Variants in EEPD1 observed in about 807,000 individuals in gnomAD.
EEPD1 encodes endonuclease/exonuclease/phosphatase family domain-containing protein 1.
A neutral mutation model predicts 46.3 loss-of-function variants in EEPD1; 17 were observed. That is an observed-to-expected ratio of 0.37 (90% confidence interval 0.25 to 0.55). The LOEUF (loss-of-function observed/expected upper bound fraction) is 0.55, where lower values mean the gene tolerates loss of function less well. Ranked by LOEUF, EEPD1 falls within the 20% of genes least tolerant of loss-of-function variation. EEPD1 has a pLI of 0.83. For missense variants in EEPD1, 673 were observed against 745.6 expected (o/e 0.90, Z 1.13); for synonymous variants, 313 against 315.6 (o/e 0.99, Z 0.09).
At chr7:36,168,770 A>AG (rs2115621574) in intron 2 of EEPD1, among the ~76,000 whole-genome samples, 1 of 147,872 alleles carries the variant, frequency 6.8e-6, no homozygotes, top group East Asian at 2.0e-4. Flanking sequence ...AAAAAAAAAA[A>AG]GGTTGGGGGA....
At chr7:36,177,923 A>G (rs1333144920) in intron 2 of EEPD1, among the ~76,000 whole-genome samples, 1 of 152,180 alleles carries the variant, frequency 6.6e-6, no homozygotes, top group Non-Finnish European at 1.5e-5. Flanking sequence ...CATGTTGGTC[A>G]GGCTGGTCTT....
chr7:36,229,537 A>C (rs1040989766), intron 2 of EEPD1, among the ~76,000 whole-genome samples: 2 of 152,128 alleles, frequency 1.3e-5, no homozygotes, highest in African/African-American at 4.8e-5. Context: ...GAAGCCACCC[A>C]ACATGTTGTA....
At position 36,193,750 on chromosome 7, in the gene EEPD1, G is replaced by A. The variant is rs923229019; in HGVS notation, c.878+38548G>A. On this transcript the variant is annotated intron_variant, in intron 2 of 7. Coordinates refer to ENST00000242108, the MANE Select transcript of EEPD1 (RefSeq NM_030636.3). The surrounding 1 kb of genome is among the most constrained non-coding windows in gnomAD (Gnocchi z 4.9). Reference sequence around the variant, plus strand: ...CAAGAGGAATTCAGAAACCCAGGCCGTCAGGTCCCGTGGTCAGCAGGTGGC... The same window carrying A: ...CAAGAGGAATTCAGAAACCCAGGCCATCAGGTCCCGTGGTCAGCAGGTGGC... 3.9e-5 allele frequency among the ~76,000 whole-genome samples: 6 copies of A among 152,302 alleles called. No homozygotes were observed. Among genetic ancestry groups the A allele is most frequent in the East Asian group, 1.9e-4 (1 of 5,178 alleles).
intron 2 of EEPD1, among the ~76,000 whole-genome samples, chr7:36,172,262 C>T (rs1785097965): frequency 6.6e-6 from 1 of 152,220 alleles, no homozygotes. Flanking sequence ...CAAGGTAGGA[C>T]TCTAATCTTC....
chr7:36,186,235 C>T (rs1185593393), intron 2 of EEPD1, among the ~76,000 whole-genome samples: 13 of 152,130 alleles, frequency 8.5e-5, no homozygotes. Context: ...ATGCTTTCTC[C>T]TGCCTCTCCC....
chr7:36,239,121 G>A, intron 3 of EEPD1, 85 bp downstream of exon 3: 1 of 1,317,134 alleles, frequency 7.6e-7, no homozygotes, highest in Non-Finnish European at 1.1e-6. Context: ...TGTCACCAGA[G>A]ACAGCCCCTA....
At chr7:36,174,639 C>T (rs757778937) in intron 2 of EEPD1, among the ~76,000 whole-genome samples, 1 of 152,190 alleles carries the variant, frequency 6.6e-6, no homozygotes. Flanking sequence ...TGCTGTTTGT[C>T]TCCTCCAAGA....
chr7:36,233,955 G>A (rs968656078), intron 2 of EEPD1, among the ~76,000 whole-genome samples: 2 of 152,162 alleles, frequency 1.3e-5, no homozygotes, highest in Non-Finnish European at 2.9e-5. Context: ...GTCTCGCTCT[G>A]TCACCCAGGC....
At chr7:36,248,871 C>G (rs1039227235) in intron 3 of EEPD1, among the ~76,000 whole-genome samples, 3 of 152,090 alleles carry the variant, frequency 2.0e-5, no homozygotes, top group African/African-American at 7.2e-5. Context: ...CTCAGGCTCA[C>G]TGCAGCCACC....
intron 2 of EEPD1, among the ~76,000 whole-genome samples, chr7:36,194,336 C>T (rs1785536909): frequency 6.6e-6 from 1 of 152,134 alleles, no homozygotes; most frequent in African/African-American, 2.4e-5. Flanking sequence ...GATTGAATTC[C>T]AGTTTCAACC....
intron 3 of EEPD1, among the ~76,000 whole-genome samples, chr7:36,273,196 A>G (rs571846566): frequency 3.9e-5 from 6 of 152,136 alleles, no homozygotes; most frequent in Non-Finnish European, 7.4e-5. Context: ...ACTGAGTGTC[A>G]GTAAGTGACC....
At chr7:36,296,734 C>G (rs1787531372) in intron 6 of EEPD1, among the ~76,000 whole-genome samples, 1 of 119,894 alleles carries the variant, frequency 8.3e-6, no homozygotes, top group Admixed American at 1.1e-4. Context: ...AGATTTGGAA[C>G]CCATAGGCTT....
chr7:36,192,143 A>G (rs1176483407), intron 2 of EEPD1, among the ~76,000 whole-genome samples: 1 of 152,262 alleles, frequency 6.6e-6, no homozygotes, highest in Non-Finnish European at 1.5e-5. Flanking sequence ...TTTCTAAAAG[A>G]GGAGCACATG....
chr7:36,203,624 G>A (rs1490599896), intron 2 of EEPD1, among the ~76,000 whole-genome samples: 1 of 152,126 alleles, frequency 6.6e-6, no homozygotes, highest in Non-Finnish European at 1.5e-5. Context: ...ATAGGAACAC[G>A]GCAATAAAAA....
intron 2 of EEPD1, among the ~76,000 whole-genome samples, chr7:36,210,114 G>C (rs1351119076): frequency 6.6e-6 from 1 of 152,156 alleles, no homozygotes; most frequent in African/African-American, 2.4e-5. Flanking sequence ...TGGGTGGGTA[G>C]GGGAAGTGGA....
intron 3 of EEPD1, among the ~76,000 whole-genome samples, chr7:36,276,960 A>G (rs901866424): frequency 6.6e-6 from 1 of 152,174 alleles, no homozygotes; most frequent in African/African-American, 2.4e-5. Flanking sequence ...TTCCATTTTG[A>G]CCTTTCTGCC....
rs3053348 is a variant in EEPD1 at position 36,183,888 on chromosome 7, T to TTTTTTTTTTTTTTTTTTTTTTTTTG, written c.878+28686_878+28687insTTTTTTTTTTTTTTTTTTTTTTTTG. On this transcript the variant is annotated intron_variant, in intron 2 of 7. Transcript: ENST00000242108. ...TTCCTAGCCCTCGTTTTTTTTTTTT[T>TTTTTTTTTTTTTTTTTTTTTTTTTG]ATTTTTAAAAAAATGTGTGTTGTTG... Among the ~76,000 whole-genome samples, 11 of 135,402 alleles carry TTTTTTTTTTTTTTTTTTTTTTTTTG rather than the reference T, an allele frequency of 8.1e-5. 1 individual carries two copies. The highest frequency in any genetic ancestry group is 1.5e-4 in the Non-Finnish European group (9 of 60,638). The allele number at this position is 135,402 out of a possible 152,430, so 88.8% of individuals were successfully genotyped here.
chr7:36,277,450 C>T (rs1301568415), intron 3 of EEPD1, among the ~76,000 whole-genome samples: 6 of 152,304 alleles, frequency 3.9e-5, no homozygotes, highest in East Asian at 1.9e-4. Context: ...TTGAGAAGCT[C>T]GTAGCTCAAC....
intron 2 of EEPD1, among the ~76,000 whole-genome samples, chr7:36,204,226 G>A (rs925020986): frequency 9.2e-5 from 14 of 151,786 alleles, no homozygotes; most frequent in Non-Finnish European, 1.3e-4. Flanking sequence ...TGTGGAGAGA[G>A]GGTCTCACTA....
Sources: allele counts gnomAD v4.1 joint callset (sites outside exome capture counted in the v4.1 genomes callset), GRCh38; gene constraint gnomAD v4.1.1; non-coding constraint Gnocchi (gnomAD v3.1); transcripts MANE v1.5; gene names NCBI Gene and HGNC (gene_info 2026-07-23, HGNC 2026-07-21).